Variants in ABLIM1 observed in about 807,000 individuals in gnomAD.
The protein encoded by ABLIM1 is actin-binding LIM protein 1.
A neutral mutation model predicts 107.0 loss-of-function variants in ABLIM1; 40 were observed. That is an observed-to-expected ratio of 0.37 (90% CI 0.29 to 0.49). The LOEUF is 0.49. Ranked by LOEUF, ABLIM1 falls within the 20% of genes least tolerant of loss-of-function variation. ABLIM1 has a pLI of 0.97. For missense variants in ABLIM1, 857 were observed against 1,008.5 expected (o/e 0.85, Z 2.04); for synonymous variants, 357 against 357.3 (o/e 1.00, Z 0.01).
Position 114,644,877 on chromosome 10 carries a change from G to A in ABLIM1, c.244+13080C>T, listed in dbSNP as rs551740500. Among the ~76,000 whole-genome samples the A allele has an allele frequency of 2.0e-3, 308 of 152,312 alleles. 3 individuals are homozygous for A. Among genetic ancestry groups the A allele is most frequent in the African/African-American group, 6.9e-3 (286 of 41,568 alleles). ...GTGTCAGAGGAAGCCAGACGGGCGGGAAGAGAATAGGGCCTCCCCTCAAAC... is the reference window on the plus strand; with the variant it reads ...GTGTCAGAGGAAGCCAGACGGGCGGAAAGAGAATAGGGCCTCCCCTCAAAC... On this transcript the variant is annotated intron_variant, in intron 1 of 22. Coordinates refer to ENST00000533213, the MANE Select transcript of ABLIM1 (RefSeq NM_002313.7).
intron 2 of ABLIM1, among the ~76,000 whole-genome samples, chr10:114,596,242 G>A (rs957267832): frequency 6.6e-6 from 1 of 152,160 alleles, no homozygotes; most frequent in Non-Finnish European, 1.5e-5. Flanking sequence ...CTCCTGGCCT[G>A]CATGCTATGC....
chr10:114,774,079 A>C, the ABLIM1 span, among the ~76,000 whole-genome samples: 1 of 152,082 alleles, frequency 6.6e-6, no homozygotes, highest in Non-Finnish European at 1.5e-5. Context: ...AGAAAGAATA[A>C]ATAAAGAGTA....
intron 1 of ABLIM1, among the ~76,000 whole-genome samples, chr10:114,678,768 T>G (rs932500966): frequency 6.6e-6 from 1 of 152,246 alleles, no homozygotes; most frequent in Non-Finnish European, 1.5e-5. Context: ...GTGTACCATT[T>G]CCTTGAGTTT....
intron 14 of ABLIM1, among the ~76,000 whole-genome samples, chr10:114,448,836 C>T (rs754456509): frequency 4.6e-5 from 7 of 152,132 alleles, no homozygotes; most frequent in Non-Finnish European, 8.8e-5. Context: ...TCTCGAACTC[C>T]TGACCTCAGG....
chr10:114,517,964 A>C (rs1341267785), intron 6 of ABLIM1, among the ~76,000 whole-genome samples: 1 of 151,416 alleles, frequency 6.6e-6, no homozygotes, highest in Non-Finnish European at 1.5e-5. Context: ...TTATTTACAC[A>C]CATACTTTTT....
intron 1 of ABLIM1, among the ~76,000 whole-genome samples, chr10:114,710,158 A>G (rs1055400537): frequency 2.0e-5 from 3 of 152,226 alleles, no homozygotes; most frequent in African/African-American, 7.2e-5. Flanking sequence ...CAACAGATCC[A>G]GAGTTAGAGT....
chr10:114,632,273 T>G, intron 1 of ABLIM1: 2 of 985,392 alleles, frequency 2.0e-6, no homozygotes, highest in Non-Finnish European at 2.4e-6. Context: ...CTTGTATTCC[T>G]CGCACCGAGG....
intron 6 of ABLIM1, among the ~76,000 whole-genome samples, chr10:114,544,575 CCCTT>C (rs1323283138): frequency 1.3e-5 from 2 of 152,178 alleles, no homozygotes; most frequent in Non-Finnish European, 2.9e-5. Flanking sequence ...CTTTCCCCCA[CCCTT>C]CCTTTCTTAG....
chr10:114,757,558 A>C (rs112451844), intron 1 of ABLIM1, among the ~76,000 whole-genome samples: 1 of 152,130 alleles, frequency 6.6e-6, no homozygotes. Flanking sequence ...CTTCTACTTC[A>C]TGTTGCCAAC....
At chr10:114,722,855 C>T (rs899043585) in intron 1 of ABLIM1, among the ~76,000 whole-genome samples, 15 of 152,220 alleles carry the variant, frequency 9.9e-5, no homozygotes, top group African/African-American at 3.6e-4. Context: ...CCCATTTATG[C>T]TTCCAGACCA....
intron 2 of ABLIM1, among the ~76,000 whole-genome samples, chr10:114,583,510 TACTGTTGGTGGGA>T: frequency 7.9e-6 from 1 of 127,010 alleles, no homozygotes; most frequent in African/African-American, 3.1e-5. Flanking sequence ...TATATATATA[TACTGTTGGTGGGA>T]ATGTAAATTT....
At chr10:114,500,261 T>A (rs1474429337) in intron 6 of ABLIM1, among the ~76,000 whole-genome samples, 1 of 152,158 alleles carries the variant, frequency 6.6e-6, no homozygotes, top group Non-Finnish European at 1.5e-5. Flanking sequence ...TAGGGAGAAA[T>A]AAACCATTAT....
chr10:114,507,823 G>A lies in ABLIM1; in HGVS notation c.895-15945C>T, dbSNP rs537550806. Among the ~76,000 whole-genome samples, 20 of 152,316 alleles carry A rather than the reference G, an allele frequency of 1.3e-4. 1 individual carries two copies. Among genetic ancestry groups the A allele is most frequent in the African/African-American group, 4.1e-4 (17 of 41,574 alleles). On this transcript the variant is annotated intron_variant, in intron 6 of 22. Transcript: ENST00000533213. The stretch of plus-strand genomic sequence containing the variant: ...TGGCTGTTGGGGTGACCCTCCAAGT[G>A]TTAGGCTGTGCAACCTAGGCTGATG...
At chr10:114,439,479 CA>C in intron 20 of ABLIM1, 1 of 598,208 alleles carries the variant, frequency 1.7e-6, no homozygotes, top group Non-Finnish European at 3.0e-6. Flanking sequence ...TGGTTATGGA[CA>C]AATTCCTGAA....
chr10:114,522,393 A>G (rs2063885067), intron 6 of ABLIM1, among the ~76,000 whole-genome samples: 1 of 152,194 alleles, frequency 6.6e-6, no homozygotes, highest in Non-Finnish European at 1.5e-5. Context: ...TTGGCATCCT[A>G]AACAAGTTGC....
At chr10:114,724,359 A>G (rs1331706510) in intron 1 of ABLIM1, among the ~76,000 whole-genome samples, 1 of 152,196 alleles carries the variant, frequency 6.6e-6, no homozygotes, top group Non-Finnish European at 1.5e-5. Context: ...AAGACTACAA[A>G]GGCTCTCAAA....
At chr10:114,643,579 C>CTTTTT (rs34191046) in intron 1 of ABLIM1, among the ~76,000 whole-genome samples, 2,010 of 136,658 alleles carry the variant, frequency 0.015, 48 homozygotes, top group African/African-American at 0.051. Context: ...TATCCAGATT[C>CTTTTT]TTTTTTTTTT....
chr10:114,573,885 C>T (rs1042916796), intron 3 of ABLIM1, among the ~76,000 whole-genome samples: 16 of 152,110 alleles, frequency 1.1e-4, no homozygotes, highest in African/African-American at 3.6e-4. Context: ...AGGCTGTGTG[C>T]CACAGCCTGA....
chr10:114,526,880 G>C (rs2064857743), intron 6 of ABLIM1: 1 of 985,380 alleles, frequency 1.0e-6, no homozygotes, highest in Non-Finnish European at 1.2e-6. Context: ...CCGGAAACCA[G>C]CCCCGTGTGC....
Sources: gnomAD v4.1 joint callset for allele counts (sites outside exome capture counted in the v4.1 genomes callset) on GRCh38, gnomAD v4.1.1 for gene constraint, MANE v1.5 for transcripts, NCBI Gene and HGNC (gene_info 2026-07-23, HGNC 2026-07-21) for gene names.